SP4: variants seen among roughly 807,000 people sequenced by gnomAD.
The protein encoded by SP4 is Sp4 transcription factor, also known as transcription factor Sp4.
SP4 carries 19 observed loss-of-function variants against 72.8 expected under a neutral mutation model. The observed-to-expected ratio is 0.26, with a 90% CI of 0.18 to 0.38. SP4 has a LOEUF of 0.38. SP4 is among the 10% of genes least tolerant of loss of function. SP4 has a pLI of 1.00. For missense variants in SP4, 1,008 were observed against 926.3 expected (o/e 1.09, Z -1.14); for synonymous variants, 395 against 333.1 (o/e 1.19, Z -2.02).
chr7:21,456,497 C>T (rs911714924), intron 3 of SP4, among the ~76,000 whole-genome samples: 1 of 152,118 alleles, frequency 6.6e-6, no homozygotes, highest in African/African-American at 2.4e-5. Context: ...ACAAGGGAGC[C>T]CCTGTCTGCT....
At chr7:21,489,553 C>CT (rs1193080485) in intron 5 of SP4, among the ~76,000 whole-genome samples, 967 of 82,576 alleles carry the variant, frequency 0.012, 30 homozygotes, top group Non-Finnish European at 0.019. Context: ...TTTCTTTTTT[C>CT]TTTTTTTTTT....
chr7:21,498,361 G>A (rs375567114), intron 5 of SP4, among the ~76,000 whole-genome samples: 5 of 152,198 alleles, frequency 3.3e-5, no homozygotes, highest in South Asian at 2.1e-4. Context: ...GGGGATCTAC[G>A]GGGTCCTGGG....
chr7:21,468,664 ATATAAT>A (rs1015091594), intron 3 of SP4, among the ~76,000 whole-genome samples: 2 of 151,964 alleles, frequency 1.3e-5, no homozygotes, highest in African/African-American at 2.4e-5. Flanking sequence ...TTTCTAAGTA[ATATAAT>A]TATATCTTTT....
intron 3 of SP4, among the ~76,000 whole-genome samples, chr7:21,466,825 C>G (rs1784181270): frequency 6.6e-6 from 1 of 151,156 alleles, no homozygotes; most frequent in South Asian, 2.1e-4. Flanking sequence ...ACCATGGAAT[C>G]TCTCTAGTCA....
At chr7:21,481,387 T>TA (rs1370942396) in intron 4 of SP4, among the ~76,000 whole-genome samples, 1 of 152,238 alleles carries the variant, frequency 6.6e-6, no homozygotes, top group Non-Finnish European at 1.5e-5. Context: ...CACAGACTCT[T>TA]ACTGTTCTTA....
chr7:21,462,742 G>T (rs1364114910), intron 3 of SP4, among the ~76,000 whole-genome samples: 1 of 152,116 alleles, frequency 6.6e-6, no homozygotes, highest in Non-Finnish European at 1.5e-5. Flanking sequence ...GGTCTTTGGG[G>T]GCCAAAAGCA....
At chr7:21,505,794 A>G (rs76955617) in intron 5 of SP4, among the ~76,000 whole-genome samples, 5,625 of 152,276 alleles carry the variant, frequency 0.037, 330 homozygotes, top group African/African-American at 0.13. Context: ...GTATTGTAAC[A>G]TGCAGGGTTT....
chr7:21,485,920 A>G (rs988196330), intron 5 of SP4, among the ~76,000 whole-genome samples: 3 of 151,808 alleles, frequency 2.0e-5, no homozygotes, highest in East Asian at 1.9e-4. Context: ...TTTAGATCTC[A>G]TATTGGTTCT....
At chr7:21,471,576 A>G (rs937343638) in intron 3 of SP4, among the ~76,000 whole-genome samples, 4 of 152,118 alleles carry the variant, frequency 2.6e-5, no homozygotes, top group Non-Finnish European at 4.4e-5. Flanking sequence ...GCTTGTGCCT[A>G]TAGTCCCAGC....
chr7:21,436,025 A>G (rs1289275430), intron 3 of SP4, among the ~76,000 whole-genome samples: 2 of 152,074 alleles, frequency 1.3e-5, no homozygotes, highest in Admixed American at 6.6e-5. Context: ...CAGCTCCCCA[A>G]GTAGCAGGGA....
intron 5 of SP4, among the ~76,000 whole-genome samples, chr7:21,503,880 C>T (rs147907304): frequency 9.8e-5 from 15 of 152,288 alleles, no homozygotes; most frequent in African/African-American, 3.6e-4. Context: ...ACCCATAATT[C>T]CTAAGTATTG....
intron 4 of SP4, among the ~76,000 whole-genome samples, chr7:21,478,666 G>A (rs10263778): frequency 0.18 from 27,118 of 152,112 alleles, 4,505 homozygotes; most frequent in East Asian, 0.64. Flanking sequence ...TTGGAGAAAT[G>A]TTTATTTGGA....
At position 21,429,457 on chromosome 7, in the gene SP4, G is replaced by T; in HGVS notation, c.292G>T (p.Ala98Ser). ...QQLELVTTQLAGNAWQLVAST... is the reference protein window; with the variant it reads ...QQLELVTTQLSGNAWQLVAST... Reference sequence around the variant, plus strand: ...GCTAGAACTGGTAACAACGCAACTTGCTGGAAACGCTTGGCAACTTGTTGC... The same window carrying T: ...GCTAGAACTGGTAACAACGCAACTTTCTGGAAACGCTTGGCAACTTGTTGC... The change falls in exon 3 of 6, where the codon GCT becomes TCT. Residue 98 changes from alanine (A) to serine (S), a missense_variant. Ala to Ser is a moderately conservative substitution (Grantham distance 99, BLOSUM62 1). Coordinates refer to ENST00000222584, the MANE Select transcript of SP4 (RefSeq NM_003112.5). 1 of 1,614,192 alleles carries T rather than the reference G, an allele frequency of 6.2e-7. No individual in the cohort carries two copies. The highest frequency in any genetic ancestry group is 8.5e-7 in the Non-Finnish European group (1 of 1,180,036).
chr7:21,494,552 A>G (rs986034551), intron 5 of SP4, among the ~76,000 whole-genome samples: 1 of 152,218 alleles, frequency 6.6e-6, no homozygotes, highest in African/African-American at 2.4e-5. Context: ...ACAGTGAAAC[A>G]TTTTGCCATA....
chr7:21,460,329 C>T (rs1174446625), intron 3 of SP4, among the ~76,000 whole-genome samples: 10 of 152,102 alleles, frequency 6.6e-5, no homozygotes, highest in Admixed American at 3.3e-4. Flanking sequence ...AGGATTGAAG[C>T]TGCAGACCTT....
intron 3 of SP4, among the ~76,000 whole-genome samples, chr7:21,441,999 TG>T (rs1783260879): frequency 1.1e-5 from 1 of 90,226 alleles, no homozygotes; most frequent in Non-Finnish European, 2.3e-5. Flanking sequence ...TTTATGTGTG[TG>T]TGTGTTTGTG....
chr7:21,481,793 A>G (rs1784696835), intron 4 of SP4, 131 bp from the exon 5 acceptor site: 2 of 669,540 alleles, frequency 3.0e-6, no homozygotes, highest in African/African-American at 3.6e-5. Context: ...GATTTGAACT[A>G]CAGTTATGGC....
Position 21,428,193 on chromosome 7 carries a change from C to T in SP4, c.-59C>T. On this transcript the variant is annotated 5_prime_UTR_variant, in exon 1 of 6. Transcript: ENST00000222584. ...CCGGCCTCTCCTCCCGCCTCGCCCCCACCCCCACCCACCTCTATCCCAGTG... is the reference window on the plus strand; with the variant it reads ...CCGGCCTCTCCTCCCGCCTCGCCCCTACCCCCACCCACCTCTATCCCAGTG... 4.8e-6 allele frequency: 4 copies of T among 840,658 alleles called. No homozygotes were observed. The highest frequency in any genetic ancestry group is 1.5e-5 in the South Asian group (1 of 67,690). 52.1% of individuals were successfully genotyped at this position (840,658 alleles called of 1,614,324 possible). A position where few individuals can be genotyped will look rare whatever the true frequency, so the allele number is the denominator to read the frequency against.
chr7:21,478,847 A>G (rs1024192672), intron 4 of SP4, among the ~76,000 whole-genome samples: 1 of 152,282 alleles, frequency 6.6e-6, no homozygotes, highest in East Asian at 1.9e-4. Context: ...AGGCAGGTGG[A>G]TCACCTGAGG....
Sources: allele counts gnomAD v4.1 joint callset (sites outside exome capture counted in the v4.1 genomes callset), GRCh38; gene constraint gnomAD v4.1.1; transcripts MANE v1.5; gene names NCBI Gene and HGNC (gene_info 2026-07-23, HGNC 2026-07-21).